SYNE2: variants seen among roughly 807,000 people sequenced by gnomAD.
The protein encoded by SYNE2 is nesprin-2.
SYNE2 carries 431 observed loss-of-function variants against 856.3 expected under a neutral mutation model. The observed-to-expected ratio is 0.50, with a 90% CI of 0.47 to 0.55. The LOEUF (loss-of-function observed/expected upper bound fraction) is 0.55. Among genes scored for constraint, SYNE2 ranks in the 20% least tolerant of loss-of-function variants. The probability of loss-of-function intolerance (pLI) is 0.00; values close to 1 mark genes in which losing one functional copy is unlikely to be tolerated. For synonymous variants in SYNE2, 2,923 were observed against 2,872.3 expected (o/e 1.02, Z -0.56); for missense variants, 8,129 against 8,023.2 (o/e 1.01, Z -0.50).
chr14:64,017,803 A>G (rs1165099726), intron 34 of SYNE2, 47 bp downstream of exon 34: 2 of 1,569,228 alleles, frequency 1.3e-6, no homozygotes, highest in Non-Finnish European at 1.8e-6. Context: ...CACAATTGAC[A>G]TTTTTTATTT....
rs534667134 is a variant in SYNE2, at chr14:64,198,749, C to T, written c.18039-4052C>T. Reference sequence around the variant, plus strand: ...GGAGCACGAGTGGCTCCTAGGCTGGCAGCACACTGCTTTGTGGCAGAAGGG... The same window carrying T: ...GGAGCACGAGTGGCTCCTAGGCTGGTAGCACACTGCTTTGTGGCAGAAGGG... On this transcript the variant is annotated intron_variant, in intron 99 of 115. Coordinates refer to ENST00000555002, the MANE Select transcript of SYNE2 (RefSeq NM_182914.3). Among the ~76,000 whole-genome samples the T allele has an allele frequency of 2.0e-5, 3 of 152,344 alleles. No individual in the cohort carries two copies. The East Asian group carries it at 5.8e-4, about 29-fold the overall frequency.
chr14:63,816,027 C>A (rs1888973785), intron 1 of SYNE2, among the ~76,000 whole-genome samples: 3 of 148,422 alleles, frequency 2.0e-5, no homozygotes, highest in Admixed American at 1.4e-4. Flanking sequence ...TGGCTCACTG[C>A]AACCTCTGCC....
intron 103 of SYNE2, among the ~76,000 whole-genome samples, chr14:64,210,828 CTTCCT>C (rs1463468123): frequency 6.6e-6 from 1 of 152,004 alleles, no homozygotes; most frequent in Non-Finnish European, 1.5e-5. Flanking sequence ...TCTTTCTTTT[CTTCCT>C]TTCTTTTCTC....
At position 63,997,401 on chromosome 14, in the gene SYNE2, G is replaced by A; in HGVS notation, c.3243+10G>A. On this transcript the variant is annotated intron_variant, in intron 25 of 115. Coordinates refer to ENST00000555002, the MANE Select transcript of SYNE2 (RefSeq NM_182914.3). The stretch of plus-strand genomic sequence containing the variant: ...GCCATCAACTGAAAAGGTGTTAAAT[G>A]TGGATAATGTATTTTAGAAGTAAAC... 1 of 1,603,628 alleles carries A rather than the reference G, an allele frequency of 6.2e-7. No homozygotes were observed. The highest frequency in any genetic ancestry group is 1.3e-5 in the African/African-American group (1 of 74,908).
intron 110 of SYNE2, among the ~76,000 whole-genome samples, chr14:64,219,621 C>G (rs2140360273): frequency 6.6e-6 from 1 of 152,282 alleles, no homozygotes; most frequent in South Asian, 2.1e-4. Context: ...GCAAATGATC[C>G]TGATCCCAGA....
intron 79 of SYNE2, 96 bp downstream of exon 79, chr14:64,138,079 T>C (rs1470540999): frequency 1.4e-6 from 2 of 1,412,900 alleles, no homozygotes; most frequent in Non-Finnish European, 1.9e-6. Flanking sequence ...CAACCCACCT[T>C]ATGCTGTTTT....
intron 1 of SYNE2, among the ~76,000 whole-genome samples, chr14:63,764,539 A>C (rs1442792015): frequency 6.9e-6 from 1 of 144,486 alleles, no homozygotes; most frequent in Non-Finnish European, 1.5e-5. Flanking sequence ...TAAAAAAAAA[A>C]ATCTGTTCTT....
chr14:64,091,229 T>G (rs745382672), intron 60 of SYNE2, among the ~76,000 whole-genome samples, 181 bp downstream of exon 60: 6 of 152,330 alleles, frequency 3.9e-5, no homozygotes, highest in Admixed American at 6.5e-5. Context: ...TCTTATCCTT[T>G]AAGACATTAA....
At chr14:63,861,354 A>C (rs1303091703) in intron 1 of SYNE2, among the ~76,000 whole-genome samples, 1 of 151,858 alleles carries the variant, frequency 6.6e-6, no homozygotes, top group Admixed American at 6.6e-5. Flanking sequence ...CATGTTGGTC[A>C]TGCTGGTCTC....
In SYNE2 at chr14:64,042,239, A is replaced by T. The variant is rs183716532; in HGVS notation, c.7222-5761A>T. On this transcript the variant is annotated intron_variant, in intron 45 of 115. Coordinates refer to ENST00000555002, the MANE Select transcript of SYNE2 (RefSeq NM_182914.3). Reference sequence around the variant, plus strand: ...CAAGTTATGACATGATACATCCATGATTCTATTTCAGTAAGAATTAAAAAC... The same window carrying T: ...CAAGTTATGACATGATACATCCATGTTTCTATTTCAGTAAGAATTAAAAAC... 5.6e-4 allele frequency among the ~76,000 whole-genome samples: 86 copies of T among 152,376 alleles called. No homozygotes were observed. The Middle Eastern group carries it at 0.024, about 42-fold the overall frequency.
chr14:63,780,457 C>T (rs900314326), intron 1 of SYNE2, among the ~76,000 whole-genome samples: 1 of 152,078 alleles, frequency 6.6e-6, no homozygotes, highest in African/African-American at 2.4e-5. Context: ...TCGCTTGAAC[C>T]AGGGAGGTAG....
chr14:63,991,397 G>C (rs1048589640), intron 21 of SYNE2, among the ~76,000 whole-genome samples: 1 of 152,010 alleles, frequency 6.6e-6, no homozygotes, highest in African/African-American at 2.4e-5. Context: ...AATTTCTCTG[G>C]CTTTTTAATT....
chr14:63,973,873 C>T (rs1027561623), intron 11 of SYNE2, among the ~76,000 whole-genome samples: 1 of 151,966 alleles, frequency 6.6e-6, no homozygotes, highest in African/African-American at 2.4e-5. Flanking sequence ...GATGGGTACC[C>T]CATAAATGTT....
At chr14:64,185,513 CTTT>C (rs1167173698) in intron 96 of SYNE2, among the ~76,000 whole-genome samples, 66 of 115,968 alleles carry the variant, frequency 5.7e-4, no homozygotes, top group South Asian at 5.3e-3. Flanking sequence ...TTTTCTTTTT[CTTT>C]TTCTTTTTTT....
At chr14:63,849,501 T>C (rs1332721014), upstream of SYNE2, among the ~76,000 whole-genome samples, 2 of 152,196 alleles carry the variant, frequency 1.3e-5, no homozygotes, top group Non-Finnish European at 2.9e-5. Context: ...TCTGTGCCCA[T>C]GACAGAGAAT....
intron 32 of SYNE2, among the ~76,000 whole-genome samples, chr14:64,015,452 C>G (rs1382580377): frequency 1.3e-5 from 2 of 151,996 alleles, no homozygotes; most frequent in Non-Finnish European, 1.5e-5. Context: ...TCCATTTCCT[C>G]TAAGTTTTCA....
intron 49 of SYNE2, among the ~76,000 whole-genome samples, chr14:64,057,993 G>A (rs1417773310): frequency 6.6e-6 from 1 of 152,114 alleles, no homozygotes; most frequent in Non-Finnish European, 1.5e-5. Flanking sequence ...AGTTATTTGA[G>A]CTCCCTATAC....
chr14:63,948,776 G>GTATATATAGATGTATATATATA, intron 6 of SYNE2, among the ~76,000 whole-genome samples: 1 of 67,606 alleles, frequency 1.5e-5, no homozygotes, highest in African/African-American at 6.6e-5. Context: ...ATATGTATGT[G>GTATATATAGATGTATATATATA]TGTGTGTATA....
At chr14:63,995,608 T>C (rs940482908) in intron 23 of SYNE2, among the ~76,000 whole-genome samples, 2 of 152,196 alleles carry the variant, frequency 1.3e-5, no homozygotes, top group Admixed American at 1.3e-4. Context: ...TTGGTCTCTA[T>C]CCTATTTGAT....
Sources: allele counts gnomAD v4.1 joint callset (sites outside exome capture counted in the v4.1 genomes callset), GRCh38; gene constraint gnomAD v4.1.1; transcripts MANE v1.5; gene names NCBI Gene and HGNC (gene_info 2026-07-23, HGNC 2026-07-21).